Variants in CD99 observed in about 807,000 individuals in gnomAD.
CD99 encodes the protein CD99 molecule (Xg blood group), also known as CD99 antigen.
In CD99, 19 loss-of-function variants were observed where a neutral mutation model predicts 28.4. The ratio of observed to expected loss-of-function variants is 0.67; its 90% CI spans 0.47 to 0.98. The LOEUF is 0.98. CD99 is among the 50% of genes least tolerant of loss of function. CD99 has a pLI of 0.00. For missense variants in CD99, 283 were observed against 248.8 expected (o/e 1.14, Z -0.92); for synonymous variants, 103 against 92.1 (o/e 1.12, Z -0.67).
At chrX:2,713,286 A>T (rs2048525591) in intron 1 of CD99, among the ~76,000 whole-genome samples, 1 of 150,620 alleles carries the variant, frequency 6.6e-6, no homozygotes, top group South Asian at 2.1e-4. Context: ...AACCCACATG[A>T]ACATGCACTG....
chrX:2,711,821 C>T (rs931057371), intron 1 of CD99, among the ~76,000 whole-genome samples: 21 of 152,112 alleles, frequency 1.4e-4, no homozygotes, highest in Non-Finnish European at 2.9e-4. Flanking sequence ...AGGTGGATCA[C>T]CTGAGGTCAG....
intron 8 of CD99, among the ~76,000 whole-genome samples, chrX:2,728,733 C>T (rs937815081): frequency 6.6e-6 from 1 of 151,854 alleles, no homozygotes; most frequent in Admixed American, 6.6e-5. Flanking sequence ...TTTTCTGAAA[C>T]TGTTCAACTC....
At chrX:2,712,967 C>T (rs1204179523) in intron 1 of CD99, among the ~76,000 whole-genome samples, 2 of 151,464 alleles carry the variant, frequency 1.3e-5, no homozygotes, top group African/African-American at 4.8e-5. Context: ...ACTACACACA[C>T]CTACACATAC....
intron 8 of CD99, chrX:2,733,504 A>G: frequency 8.5e-6 from 8 of 936,436 alleles, no homozygotes; most frequent in Admixed American, 2.2e-5. Flanking sequence ...TCCCACCACG[A>G]TGGGATTCTC....
At chrX:2,707,735 C>T (rs1476051197) in intron 1 of CD99, among the ~76,000 whole-genome samples, 6 of 152,172 alleles carry the variant, frequency 3.9e-5, no homozygotes, top group Non-Finnish European at 5.9e-5. Flanking sequence ...GGCTGAATGC[C>T]GTAAACGTGC....
At chrX:2,720,642 T>G (rs1285073144) in intron 5 of CD99, among the ~76,000 whole-genome samples, 1 of 133,478 alleles carries the variant, frequency 7.5e-6, no homozygotes, top group African/African-American at 3.0e-5. Flanking sequence ...TTTTTTTTTT[T>G]GAGACAGAGT....
At chrX:2,710,725 C>A (rs1458242871) in intron 1 of CD99, among the ~76,000 whole-genome samples, 1 of 151,958 alleles carries the variant, frequency 6.6e-6, no homozygotes, top group South Asian at 2.1e-4. Context: ...TCACGTCTAC[C>A]GCTGAGGCAC....
chrX:2,709,407 C>T (rs764670701), intron 1 of CD99, among the ~76,000 whole-genome samples: 1 of 152,340 alleles, frequency 6.6e-6, no homozygotes, highest in African/African-American at 2.4e-5. Context: ...AGCACACAGG[C>T]AAACACGCAG....
At chrX:2,736,439 A>C (rs920813627) in intron 8 of CD99, among the ~76,000 whole-genome samples, 159 of 152,110 alleles carry the variant, frequency 1.0e-3, no homozygotes, top group Non-Finnish European at 2.0e-3. Flanking sequence ...TGATCTGTGC[A>C]TCTCTTACGC....
intron 1 of CD99, among the ~76,000 whole-genome samples, chrX:2,696,841 T>A (rs983411457): frequency 1.3e-4 from 20 of 152,080 alleles, no homozygotes; most frequent in Admixed American, 1.2e-3. Flanking sequence ...CCTTGGTGAG[T>A]TTTGAGGAGA....
chrX:2,706,328 C>G (rs900037392), intron 1 of CD99, among the ~76,000 whole-genome samples: 1 of 152,138 alleles, frequency 6.6e-6, no homozygotes, highest in African/African-American at 2.4e-5. Flanking sequence ...CCACCGCACT[C>G]CAGCCTGGGT....
At chrX:2,726,568 G>T in intron 8 of CD99, 195 bp downstream of exon 8, 1 of 680,660 alleles carries the variant, frequency 1.5e-6, no homozygotes, top group South Asian at 1.5e-5. Flanking sequence ...GTGTTTTGTT[G>T]TGTGAAAGTT....
chrX:2,729,408 G>A (rs549532638), intron 8 of CD99, among the ~76,000 whole-genome samples: 1 of 146,936 alleles, frequency 6.8e-6, no homozygotes, highest in South Asian at 2.1e-4. Context: ...TTGATTCACA[G>A]TTCAGCATGG....
chrX:2,710,331 C>T (rs1244650237), intron 1 of CD99, among the ~76,000 whole-genome samples: 1 of 152,078 alleles, frequency 6.6e-6, no homozygotes, highest in Non-Finnish European at 1.5e-5. Flanking sequence ...CCTTGACTGC[C>T]GTTTCTGAGT....
chrX:2,695,934 T>C, intron 1 of CD99, among the ~76,000 whole-genome samples: 1 of 152,254 alleles, frequency 6.6e-6, no homozygotes, highest in Non-Finnish European at 1.5e-5. Flanking sequence ...TGAAAAATCA[T>C]TGTAAAAATC....
intron 7 of CD99, among the ~76,000 whole-genome samples, chrX:2,723,615 C>T (rs1159343786): frequency 6.6e-6 from 1 of 152,126 alleles, no homozygotes; most frequent in African/African-American, 2.4e-5. Flanking sequence ...CCCTGGCTGG[C>T]GACCCGACCC....
intron 5 of CD99, among the ~76,000 whole-genome samples, chrX:2,721,810 A>G (rs1177865697): frequency 3.3e-5 from 5 of 152,174 alleles, no homozygotes; most frequent in African/African-American, 9.7e-5. Context: ...AATTCTGAAA[A>G]TGTTATGTTT....
At chrX:2,700,560 TTATC>T (rs939003248) in intron 1 of CD99, among the ~76,000 whole-genome samples, 1 of 146,524 alleles carries the variant, frequency 6.8e-6, no homozygotes, top group East Asian at 2.0e-4. Context: ...ATCCATCCAT[TTATC>T]CATCCATCCA....
intron 1 of CD99, among the ~76,000 whole-genome samples, chrX:2,693,454 G>C (rs751643069): frequency 1.3e-5 from 2 of 152,224 alleles, no homozygotes; most frequent in African/African-American, 4.8e-5. Flanking sequence ...CTTGAGGGAC[G>C]CTTCTCACCC....
Sources: allele counts gnomAD v4.1 joint callset (sites outside exome capture counted in the v4.1 genomes callset), GRCh38; gene constraint gnomAD v4.1.1; transcripts MANE v1.5; gene names NCBI Gene and HGNC (gene_info 2026-07-23, HGNC 2026-07-21).